The following KSR2 variants were observed in gnomAD, a reference collection of about 807,000 sequenced individuals.
KSR2 encodes kinase suppressor of ras 2.
A neutral mutation model predicts 107.8 loss-of-function variants in KSR2; 25 were observed. The observed-to-expected ratio is 0.23, with a 90% CI of 0.17 to 0.32. KSR2 has a LOEUF of 0.32. Ranked by LOEUF, KSR2 falls within the 10% of genes least tolerant of loss-of-function variation. The probability of loss-of-function intolerance (pLI) is 1.00; values close to 1 mark genes in which losing one functional copy is unlikely to be tolerated. For synonymous variants in KSR2, 480 were observed against 507.0 expected (o/e 0.95, Z 0.71); for missense variants, 887 against 1,268.9 (o/e 0.70, Z 4.57).
At chr12:117,591,025 T>G (rs1038808556) in intron 5 of KSR2, among the ~76,000 whole-genome samples, 1 of 152,142 alleles carries the variant, frequency 6.6e-6, no homozygotes, top group Non-Finnish European at 1.5e-5. Flanking sequence ...CACTGCCCAC[T>G]TAATCCTAGC....
At chr12:117,892,164 G>A (rs911584786) in intron 1 of KSR2, among the ~76,000 whole-genome samples, 1 of 151,880 alleles carries the variant, frequency 6.6e-6, no homozygotes, top group African/African-American at 2.4e-5. Flanking sequence ...TTAGCTGGGT[G>A]TGATGGTGGG....
chr12:117,758,169 A>C (rs533704080), intron 4 of KSR2, among the ~76,000 whole-genome samples: 4 of 152,166 alleles, frequency 2.6e-5, no homozygotes, highest in Non-Finnish European at 5.9e-5. Context: ...CCAAGGTCAA[A>C]AGGCTACTTC....
At chr12:117,551,266 C>T (rs980828398) in intron 9 of KSR2, among the ~76,000 whole-genome samples, 6 of 151,976 alleles carry the variant, frequency 3.9e-5, no homozygotes, top group Non-Finnish European at 8.8e-5. Flanking sequence ...CCTTCTCTTC[C>T]TCTTCCTCCT....
rs1373773788 is a variant in KSR2, at chr12:117,761,406, C to G, written c.591G>C (p.Gln197His). 1 of 1,608,620 alleles carries G rather than the reference C, an allele frequency of 6.2e-7. No individual in the cohort carries two copies. Among genetic ancestry groups the G allele is most frequent in the African/African-American group, 1.3e-5 (1 of 74,418 alleles). The part of the protein sequence containing the change: ...PTPWIRTHLS[Q>H]SPRVPSKCVQ... ...CGCACTTGGACGGGACCCTGGGGCT[C>G]TGGGAGAGATGGGTGCGGATCCACG... The change falls in exon 4 of 20, where the codon CAG becomes CAC. Residue 197 changes from glutamine (Q) to histidine (H), a missense_variant. Gln to His is a conservative substitution (Grantham distance 24). Coordinates refer to ENST00000339824, the MANE Select transcript of KSR2 (RefSeq NM_173598.6).
intron 5 of KSR2, among the ~76,000 whole-genome samples, chr12:117,652,667 C>T (rs923190769): frequency 2.8e-4 from 42 of 152,258 alleles, no homozygotes; most frequent in Admixed American, 1.4e-3. Context: ...AGCCTTTTAA[C>T]GGGGTAACTG....
chr12:117,814,178 T>A (rs1338185269), intron 3 of KSR2, among the ~76,000 whole-genome samples: 1 of 152,106 alleles, frequency 6.6e-6, no homozygotes, highest in Non-Finnish European at 1.5e-5. Flanking sequence ...ATGGGAGGAA[T>A]AAGTTCTAAT....
In KSR2 at chr12:117,823,164, T is replaced by C. The variant is rs963927159; in HGVS notation, c.472+32264A>G. Among the ~76,000 whole-genome samples, 9 of 144,502 alleles carry C rather than the reference T, an allele frequency of 6.2e-5. 1 individual carries two copies. In the South Asian group the frequency reaches 6.6e-4, roughly 11 times the overall value. The allele number at this position is 144,502 out of a possible 152,430, so 94.8% of individuals were successfully genotyped here. A position where few individuals can be genotyped will look rare whatever the true frequency, so the allele number is the denominator to read the frequency against. ...GGAGGGTGTGGAGTAAGAGAGAAAATAGAAGGAAACGTGGCTGCCGAGGTA... is the reference window on the plus strand; with the variant it reads ...GGAGGGTGTGGAGTAAGAGAGAAAACAGAAGGAAACGTGGCTGCCGAGGTA... On this transcript the variant is annotated intron_variant, in intron 3 of 19. Transcript: ENST00000339824.
intron 5 of KSR2, among the ~76,000 whole-genome samples, chr12:117,614,795 T>G (rs968565969): frequency 3.3e-5 from 5 of 152,244 alleles, no homozygotes; most frequent in African/African-American, 4.8e-5. Context: ...ATGTTTGTTC[T>G]GGAAATGTCA....
intron 9 of KSR2, among the ~76,000 whole-genome samples, chr12:117,552,877 T>C (rs1193620541): frequency 6.6e-6 from 1 of 152,254 alleles, no homozygotes; most frequent in East Asian, 1.9e-4. Context: ...ATCCCTGTTT[T>C]AGATGACTCC....
At chr12:117,741,367 A>T (rs117219134) in intron 4 of KSR2, among the ~76,000 whole-genome samples, 85 of 148,720 alleles carry the variant, frequency 5.7e-4, no homozygotes, top group East Asian at 3.6e-3. Flanking sequence ...AAAAAAAAAA[A>T]ATTTAATTAG....
At chr12:117,949,805 G>A (rs961924844) in intron 1 of KSR2, among the ~76,000 whole-genome samples, 2 of 152,122 alleles carry the variant, frequency 1.3e-5, no homozygotes, top group Non-Finnish European at 2.9e-5. Context: ...TCTTGATGGA[G>A]GTTTAGGTTA....
At chr12:117,575,330 C>T (rs1879214745) in intron 7 of KSR2, among the ~76,000 whole-genome samples, 1 of 152,160 alleles carries the variant, frequency 6.6e-6, no homozygotes, top group South Asian at 2.1e-4. Context: ...GCTGCCTCCC[C>T]ATCCTTGGTG....
intron 4 of KSR2, among the ~76,000 whole-genome samples, chr12:117,690,596 T>A (rs1885773767): frequency 6.6e-6 from 1 of 151,808 alleles, no homozygotes; most frequent in Non-Finnish European, 1.5e-5. Flanking sequence ...GCGAAAAAAA[T>A]AAAACCTCAC....
At chr12:117,704,315 G>A (rs993357527) in intron 4 of KSR2, among the ~76,000 whole-genome samples, 1 of 152,146 alleles carries the variant, frequency 6.6e-6, no homozygotes, top group African/African-American at 2.4e-5. Flanking sequence ...CATGTTTTCA[G>A]TGTGGAAGGA....
At chr12:117,663,497 A>G (rs1042099434) in intron 5 of KSR2, among the ~76,000 whole-genome samples, 1 of 152,210 alleles carries the variant, frequency 6.6e-6, no homozygotes, top group Non-Finnish European at 1.5e-5. Flanking sequence ...AAGCCACTTC[A>G]TCATGTAACA....
intron 1 of KSR2, among the ~76,000 whole-genome samples, chr12:117,960,973 T>C (rs1419640908): frequency 1.3e-5 from 2 of 151,950 alleles, no homozygotes; most frequent in Non-Finnish European, 2.9e-5. Flanking sequence ...CTAATTTTTG[T>C]ATTTTGGTAG....
intron 5 of KSR2, among the ~76,000 whole-genome samples, chr12:117,587,449 G>A (rs1593023140): frequency 6.6e-6 from 1 of 152,082 alleles, no homozygotes; most frequent in African/African-American, 2.4e-5. Context: ...TAGAAAAGGC[G>A]AGAATGGATT....
intron 9 of KSR2, among the ~76,000 whole-genome samples, chr12:117,543,599 T>C (rs577416751): frequency 9.9e-5 from 15 of 152,240 alleles, no homozygotes; most frequent in Non-Finnish European, 1.9e-4. Flanking sequence ...GGGATCTTGT[T>C]ATAAATTGTG....
In KSR2 at chr12:117,596,532, T is replaced by G. The variant is rs548965059; in HGVS notation, c.1172-14173A>C. 2.0e-4 allele frequency among the ~76,000 whole-genome samples: 30 copies of G among 152,308 alleles called. No homozygotes were observed. The South Asian group carries it at 6.0e-3, about 31-fold the overall frequency. On this transcript the variant is annotated intron_variant, in intron 5 of 19. Coordinates refer to ENST00000339824, the MANE Select transcript of KSR2 (RefSeq NM_173598.6). Reference sequence around the variant, plus strand: ...CATCACCTCGTAGCGAAACACAGTGTCAGGGCCTTTTCACTATTGGGTCTC... The same window carrying G: ...CATCACCTCGTAGCGAAACACAGTGGCAGGGCCTTTTCACTATTGGGTCTC...
Sources: allele counts gnomAD v4.1 joint callset (sites outside exome capture counted in the v4.1 genomes callset), GRCh38; gene constraint gnomAD v4.1.1; transcripts MANE v1.5; gene names NCBI Gene and HGNC (gene_info 2026-07-23, HGNC 2026-07-21).